SNX29: variants seen among roughly 807,000 people sequenced by gnomAD.
SNX29 encodes sorting nexin-29.
Under a neutral mutation model 102.1 loss-of-function variants are expected in SNX29, and 78 were observed. The observed-to-expected ratio is 0.76, with a 90% CI of 0.64 to 0.92. SNX29 has a LOEUF of 0.92. SNX29 is among the 40% of genes least tolerant of loss of function. SNX29 has a pLI of 0.00. For missense variants in SNX29, 1,280 were observed against 1,061.7 expected (o/e 1.21, Z -2.86); for synonymous variants, 580 against 414.5 (o/e 1.40, Z -4.85).
intron 14 of SNX29, among the ~76,000 whole-genome samples, chr16:12,246,890 G>A (rs2078274611): frequency 6.6e-6 from 1 of 152,114 alleles, no homozygotes; most frequent in Non-Finnish European, 1.5e-5. Context: ...GGGAGAGGAA[G>A]GTGTCCCCTC....
At chr16:12,316,526 G>T (rs2080747739) in intron 15 of SNX29, among the ~76,000 whole-genome samples, 1 of 152,152 alleles carries the variant, frequency 6.6e-6, no homozygotes, top group Non-Finnish European at 1.5e-5. Flanking sequence ...CTGGGAGACA[G>T]AGCGAAACTC....
intron 20 of SNX29, among the ~76,000 whole-genome samples, chr16:12,548,207 G>A (rs577153712): frequency 2.0e-5 from 3 of 152,166 alleles, no homozygotes; most frequent in East Asian, 1.9e-4. Flanking sequence ...CTCCCACAAG[G>A]CCACGCTGGA....
At chr16:12,315,488 C>A (rs1414531481) in intron 15 of SNX29, among the ~76,000 whole-genome samples, 3 of 152,140 alleles carry the variant, frequency 2.0e-5, no homozygotes, top group Non-Finnish European at 4.4e-5. Flanking sequence ...CATATTGAAT[C>A]CCTAACCCCC....
chr16:12,435,743 T>C (rs2085504511), intron 18 of SNX29, among the ~76,000 whole-genome samples: 1 of 152,226 alleles, frequency 6.6e-6, no homozygotes, highest in Non-Finnish European at 1.5e-5. Flanking sequence ...GGAATGTTGT[T>C]ACCCATGATC....
At chr16:12,074,591 C>G (rs953667957) in intron 10 of SNX29, among the ~76,000 whole-genome samples, 14 of 152,102 alleles carry the variant, frequency 9.2e-5, no homozygotes, top group Non-Finnish European at 1.3e-4. Context: ...TCTGGCTGCC[C>G]TTAACATTTT....
intron 20 of SNX29, among the ~76,000 whole-genome samples, chr16:12,543,115 C>T (rs993978141): frequency 1.7e-4 from 26 of 152,140 alleles, no homozygotes; most frequent in African/African-American, 4.1e-4. Context: ...CTGGCAGCTG[C>T]GTATCTTATA....
chr16:12,540,474 A>C (rs970289611), intron 20 of SNX29, among the ~76,000 whole-genome samples: 2 of 152,252 alleles, frequency 1.3e-5, no homozygotes, highest in African/African-American at 4.8e-5. Flanking sequence ...ACTAGGCTAC[A>C]GTCAAGGTGT....
chr16:12,468,561 C>T (rs74012619), intron 18 of SNX29, among the ~76,000 whole-genome samples: 12 of 152,174 alleles, frequency 7.9e-5, no homozygotes, highest in Admixed American at 2.6e-4. Context: ...GGCCCCCTCC[C>T]GCAGCCCTCA....
chr16:12,057,659 CA>C (rs1442263055), intron 8 of SNX29, among the ~76,000 whole-genome samples: 2 of 152,056 alleles, frequency 1.3e-5, no homozygotes, highest in Non-Finnish European at 2.9e-5. Context: ...TGTGCAGCCA[CA>C]GGGGGACGGT....
chr16:12,471,914 C>T (rs1458233845), intron 18 of SNX29, among the ~76,000 whole-genome samples: 5 of 152,232 alleles, frequency 3.3e-5, no homozygotes, highest in Admixed American at 6.5e-5. Context: ...CATGTTTTCT[C>T]CTCCTCGCTT....
chr16:12,468,229 C>A, intron 18 of SNX29, among the ~76,000 whole-genome samples: 1 of 128,268 alleles, frequency 7.8e-6, no homozygotes, highest in Non-Finnish European at 1.6e-5. Context: ...GGCTGGAGTG[C>A]AGTGGTGTGA....
At chr16:12,122,421 G>A (rs1401307949) in intron 11 of SNX29, among the ~76,000 whole-genome samples, 2 of 152,064 alleles carry the variant, frequency 1.3e-5, no homozygotes, top group Non-Finnish European at 2.9e-5. Flanking sequence ...GTAAGACAGG[G>A]CAGGCCCACG....
At chr16:12,109,093 A>C (rs1029818765) in intron 11 of SNX29, among the ~76,000 whole-genome samples, 1 of 133,568 alleles carries the variant, frequency 7.5e-6, no homozygotes, top group African/African-American at 2.9e-5. Flanking sequence ...ATGCCATTGC[A>C]CTCCAGCCTG....
At chr16:12,020,876 G>A (rs1202544478) in intron 3 of SNX29, among the ~76,000 whole-genome samples, 1 of 152,052 alleles carries the variant, frequency 6.6e-6, no homozygotes, top group African/African-American at 2.4e-5. Flanking sequence ...CTCCCATCTC[G>A]GCCTCCCAAA....
At chr16:12,339,631 C>G (rs925535504) in intron 15 of SNX29, among the ~76,000 whole-genome samples, 1 of 152,188 alleles carries the variant, frequency 6.6e-6, no homozygotes, top group Admixed American at 6.5e-5. Flanking sequence ...CCTGCTGTTG[C>G]TCTCTGCTTT....
intron 14 of SNX29, among the ~76,000 whole-genome samples, chr16:12,215,081 TA>T (rs2077285359): frequency 6.6e-6 from 1 of 152,146 alleles, no homozygotes; most frequent in African/African-American, 2.4e-5. Context: ...GAGCACCCAG[TA>T]ATAATAGCCA....
intron 18 of SNX29, among the ~76,000 whole-genome samples, chr16:12,462,409 G>A (rs1861645): frequency 1 from 151,515 of 152,276 alleles, 75,379 homozygotes; most frequent in Middle Eastern, 1. Flanking sequence ...TGCCAACCAG[G>A]AGTCCCACTT....
intron 15 of SNX29, among the ~76,000 whole-genome samples, chr16:12,308,204 C>T (rs1252708562): frequency 6.6e-6 from 1 of 152,226 alleles, no homozygotes; most frequent in East Asian, 1.9e-4. Context: ...TGACACCCGG[C>T]AGGCAGGCAC....
At chr16:12,370,232 C>CAAAACA (rs1001672047) in intron 16 of SNX29, among the ~76,000 whole-genome samples, 8 of 151,944 alleles carry the variant, frequency 5.3e-5, no homozygotes, top group East Asian at 3.9e-4. Flanking sequence ...AGAAACAAAA[C>CAAAACA]AAAACAAAAA....
Sources: gnomAD v4.1 joint callset for allele counts (sites outside exome capture counted in the v4.1 genomes callset) on GRCh38, gnomAD v4.1.1 for gene constraint, MANE v1.5 for transcripts, NCBI Gene and HGNC (gene_info 2026-07-23, HGNC 2026-07-21) for gene names.